ABHD18: variants seen among roughly 807,000 people sequenced by gnomAD.
ABHD18 encodes the protein cardiolipin-specific deacylase, mitochondrial.
A neutral mutation model predicts 65.9 loss-of-function variants in ABHD18; 55 were observed. That is an observed-to-expected ratio of 0.84 (90% CI 0.67 to 1.05). The LOEUF (loss-of-function observed/expected upper bound fraction) is 1.05, where lower values mean the gene tolerates loss of function less well. ABHD18 is among the 50% of genes least tolerant of loss of function. The probability of loss-of-function intolerance (pLI) is 0.00; values close to 1 mark genes in which losing one functional copy is unlikely to be tolerated. For missense variants in ABHD18, 533 were observed against 558.5 expected, an observed-to-expected ratio of 0.95 and a Z score of 0.46; for synonymous variants, 181 against 180.2, an observed-to-expected ratio of 1.00 and a Z score of -0.04.
rs751579898 is a variant in ABHD18, at chr4:128,017,492, G to T, written c.600G>T (p.Met200Ile). 1.2e-6 allele frequency: 2 copies of T among 1,609,946 alleles called. No individual in the cohort carries two copies. The highest frequency in any genetic ancestry group is 8.5e-7 in the Non-Finnish European group (1 of 1,178,658). Residue 200 changes from methionine to isoleucine, a missense_variant, in exon 8 of 13, where the codon ATG (methionine) becomes ATT (isoleucine). Coordinates refer to ENST00000645843, the MANE Select transcript of ABHD18 (RefSeq NM_001358451.3). ...CTTTAGGAATGACTGGAATATCCAT[G>T]GGAGGACACGTAAGCCTTTTTATTT... Reference protein sequence around the residue: ...YGPLGMTGISMGGHMASLAVS... With the variant: ...YGPLGMTGISIGGHMASLAVS...
At chr4:127,988,810 C>T (rs1382321141) in intron 3 of ABHD18, among the ~76,000 whole-genome samples, 1 of 152,126 alleles carries the variant, frequency 6.6e-6, no homozygotes, top group Admixed American at 6.6e-5. Context: ...AAGAGGAAAC[C>T]TCGTACAGTG....
At chr4:127,978,726 G>A (rs2149058899) in intron 1 of ABHD18, among the ~76,000 whole-genome samples, 1 of 152,244 alleles carries the variant, frequency 6.6e-6, no homozygotes, top group South Asian at 2.1e-4. Context: ...AAGTCTTATA[G>A]TAAGAATTTG....
intron 4 of ABHD18, among the ~76,000 whole-genome samples, chr4:127,994,120 T>C (rs1751357186): frequency 6.6e-6 from 1 of 152,200 alleles, no homozygotes; most frequent in South Asian, 2.1e-4. Flanking sequence ...GCAAGCATTC[T>C]TTTCCGTTAA....
At chr4:128,023,741 G>A (rs1437871796) in intron 10 of ABHD18, among the ~76,000 whole-genome samples, 13 of 152,264 alleles carry the variant, frequency 8.5e-5, no homozygotes, top group East Asian at 7.7e-4. Context: ...TTAGCCGGGC[G>A]TGGTGGCAGG....
At chr4:128,006,914 C>A (rs1436511950) in intron 4 of ABHD18, among the ~76,000 whole-genome samples, 1 of 151,982 alleles carries the variant, frequency 6.6e-6, no homozygotes, top group Non-Finnish European at 1.5e-5. Context: ...AGGAGACTGT[C>A]TCCAGAAAAT....
intron 1 of ABHD18, among the ~76,000 whole-genome samples, chr4:127,977,662 G>A (rs1748208462): frequency 6.6e-6 from 1 of 152,182 alleles, no homozygotes; most frequent in Admixed American, 6.5e-5. Flanking sequence ...GCATAGTATA[G>A]TAGAAAGATG....
intron 7 of ABHD18, among the ~76,000 whole-genome samples, chr4:128,014,759 C>A (rs1450842928): frequency 6.6e-6 from 1 of 151,202 alleles, no homozygotes; most frequent in African/African-American, 2.4e-5. Context: ...AAAACCCTGT[C>A]TCTACAAAAT....
At chr4:128,033,115 G>A (rs1449806175) in intron 12 of ABHD18, among the ~76,000 whole-genome samples, 2 of 152,094 alleles carry the variant, frequency 1.3e-5, no homozygotes, top group East Asian at 1.9e-4. Flanking sequence ...TTAGCTGGGC[G>A]TGGTGGCGGG....
At chr4:128,022,616 GAC>G (rs1248177927) in intron 10 of ABHD18, among the ~76,000 whole-genome samples, 3 of 152,050 alleles carry the variant, frequency 2.0e-5, no homozygotes, top group African/African-American at 7.2e-5. Flanking sequence ...TTTATAGGGA[GAC>G]ACTTACCTCA....
chr4:127,976,900 C>T (rs1232310625), intron 1 of ABHD18, among the ~76,000 whole-genome samples: 1 of 151,972 alleles, frequency 6.6e-6, no homozygotes, highest in Non-Finnish European at 1.5e-5. Context: ...AATTAGCTGG[C>T]CGTGGTGGCG....
At chr4:128,013,064 CAAAAA>C (rs1199459823) in intron 7 of ABHD18, among the ~76,000 whole-genome samples, 4 of 60,484 alleles carry the variant, frequency 6.6e-5, no homozygotes, top group Admixed American at 2.0e-4. Context: ...GACTCCATCC[CAAAAA>C]AAAAAAAAAA....
intron 3 of ABHD18, among the ~76,000 whole-genome samples, chr4:127,986,291 G>C (rs1749943117): frequency 6.6e-6 from 1 of 152,050 alleles, no homozygotes; most frequent in Non-Finnish European, 1.5e-5. Flanking sequence ...TTTTTGTCTG[G>C]CTTCTTCACT....
intron 6 of ABHD18, among the ~76,000 whole-genome samples, chr4:128,009,917 G>A (rs2149134468): frequency 1.3e-5 from 2 of 152,224 alleles, no homozygotes; most frequent in South Asian, 2.1e-4. Context: ...ATAGCTAAAT[G>A]TCTAAAATAG....
At chr4:127,969,730 G>A (rs2149033605) in intron 1 of ABHD18, among the ~76,000 whole-genome samples, 1 of 150,992 alleles carries the variant, frequency 6.6e-6, no homozygotes, top group South Asian at 2.1e-4. Flanking sequence ...TCTTCTTACT[G>A]TAAAATATAG....
chr4:128,020,642 T>C (rs1417976908), intron 9 of ABHD18, among the ~76,000 whole-genome samples: 2 of 152,188 alleles, frequency 1.3e-5, no homozygotes, highest in Non-Finnish European at 2.9e-5. Context: ...TGACCCACTC[T>C]TATCATTTAG....
chr4:128,006,628 A>G (rs1237822920), intron 4 of ABHD18, among the ~76,000 whole-genome samples: 1 of 152,222 alleles, frequency 6.6e-6, no homozygotes, highest in Non-Finnish European at 1.5e-5. Flanking sequence ...TTCAGCTGAC[A>G]GAGTACAGTC....
chr4:128,021,228 A>T lies in ABHD18; in HGVS notation c.791A>T (p.Glu264Val). 1 of 1,528,030 alleles carries T rather than the reference A, an allele frequency of 6.5e-7. No individual in the cohort carries two copies. The highest frequency in any genetic ancestry group is 1.2e-5 in the South Asian group (1 of 83,496). 94.7% of individuals were successfully genotyped at this position (1,528,030 alleles called of 1,614,324 possible). A position where few individuals can be genotyped will look rare whatever the true frequency, so the allele number is the denominator to read the frequency against. ...GAAGAAGAAATTATTCACATGCTTGAATACTGTGGAGTAAGTATTTCACTT... is the reference window on the plus strand; with the variant it reads ...GAAGAAGAAATTATTCACATGCTTGTATACTGTGGAGTAAGTATTTCACTT... ...VYEEEIIHML[E>V]YCGTDSFKMG... The change falls in exon 10 of 13, where the codon GAA becomes GTA. Residue 264 changes from glutamate to valine, a missense_variant. Physicochemically the swap from Glu to Val is moderately radical, Grantham distance 121 (BLOSUM62 -2). Around this residue, in one of 3 missense-constraint regions of ABHD18, gnomAD observed 4 missense variants for 18.2 expected, o/e 0.22. Coordinates refer to ENST00000645843, the MANE Select transcript of ABHD18 (RefSeq NM_001358451.3).
intron 10 of ABHD18, among the ~76,000 whole-genome samples, chr4:128,024,912 G>A (rs748041615): frequency 5.3e-5 from 8 of 151,904 alleles, no homozygotes; most frequent in South Asian, 2.1e-4. Flanking sequence ...GGCTGGTCTC[G>A]AACTCCTGGC....
At chr4:127,987,314 T>G (rs1750138806) in intron 3 of ABHD18, among the ~76,000 whole-genome samples, 1 of 151,820 alleles carries the variant, frequency 6.6e-6, no homozygotes, top group Non-Finnish European at 1.5e-5. Context: ...ATCATGCCAC[T>G]GTACTCCAGT....
Sources: gnomAD v4.1 joint callset for allele counts (sites outside exome capture counted in the v4.1 genomes callset) on GRCh38, gnomAD v4.1.1 for gene constraint, gnomAD v4.1.1 regional missense constraint, MANE v1.5 for transcripts, NCBI Gene and HGNC (gene_info 2026-07-23, HGNC 2026-07-21) for gene names.